Variants in AFAP1L2 observed in about 807,000 individuals in gnomAD.
AFAP1L2 encodes the protein actin filament-associated protein 1-like 2.
In AFAP1L2, 46 loss-of-function variants were observed where a neutral mutation model predicts 99.3. The ratio of observed to expected loss-of-function variants is 0.46; its 90% CI spans 0.37 to 0.59. The LOEUF (loss-of-function observed/expected upper bound fraction) is 0.59, where lower values mean the gene tolerates loss of function less well. Ranked by LOEUF, AFAP1L2 falls within the 20% of genes least tolerant of loss-of-function variation. The pLI, the probability that AFAP1L2 is intolerant of heterozygous loss-of-function variation, is 0.00. For missense variants in AFAP1L2, 959 were observed against 1,034.9 expected (o/e 0.93, Z 1.01); for synonymous variants, 397 against 419.1 (o/e 0.95, Z 0.64).
At position 114,404,440 on chromosome 10, in the gene AFAP1L2, C is replaced by G. The variant is rs1213572916; in HGVS notation, c.16G>C (p.Ala6Pro). 1.3e-6 allele frequency: 2 copies of G among 1,542,644 alleles called. No individual in the cohort carries two copies. The highest frequency in any genetic ancestry group is 1.7e-6 in the Non-Finnish European group (2 of 1,146,140). The change falls in exon 1 of 19, where the codon GCC (alanine) becomes CCC (proline). Residue 6 changes from alanine to proline, a missense_variant and splice_region_variant. This residue lies in a region of AFAP1L2 where 383 missense variants were observed against 472.8 expected (regional missense o/e 0.81). Coordinates refer to ENST00000304129, the MANE Select transcript of AFAP1L2 (RefSeq NM_001001936.3). MERYK[A>P]LEQLLTELDD... ...CCGCGCGAGGAACCCGCGCCCTCAC[C>G]TTTGTACCGCTCCATCGGGGCCACG...
At chr10:114,351,230 T>TC (rs2050424970) in intron 1 of AFAP1L2, among the ~76,000 whole-genome samples, 1 of 152,120 alleles carries the variant, frequency 6.6e-6, no homozygotes, top group Non-Finnish European at 1.5e-5. Context: ...CTTTATAGCC[T>TC]CCCCTGTTCC....
the AFAP1L2 span, among the ~76,000 whole-genome samples, chr10:114,282,974 C>T: frequency 6.6e-6 from 1 of 152,144 alleles, no homozygotes; most frequent in Non-Finnish European, 1.5e-5. Context: ...AGGGGGTCAT[C>T]GTATATGAGG....
At chr10:114,296,953 A>C (rs750682328) in intron 18 of AFAP1L2, 25 bp downstream of exon 18, 3 of 1,613,914 alleles carry the variant, frequency 1.9e-6, no homozygotes, top group Non-Finnish European at 2.5e-6. Flanking sequence ...GCTGGCCCCA[A>C]GGGAGGCTGG....
chr10:114,301,208 G>A (rs370524167), intron 13 of AFAP1L2, 146 bp downstream of exon 13: 32 of 649,156 alleles, frequency 4.9e-5, no homozygotes, highest in African/African-American at 3.4e-4. Flanking sequence ...GTTGCACTTA[G>A]GTGTCTGCAC....
At chr10:114,399,805 G>A (rs533566209) in intron 1 of AFAP1L2, among the ~76,000 whole-genome samples, 18 of 152,242 alleles carry the variant, frequency 1.2e-4, no homozygotes, top group African/African-American at 4.1e-4. Flanking sequence ...GACCTTTGCT[G>A]GGCTACCCAC....
intron 1 of AFAP1L2, among the ~76,000 whole-genome samples, chr10:114,367,988 G>A (rs939665801): frequency 9.2e-5 from 14 of 152,208 alleles, no homozygotes; most frequent in African/African-American, 3.1e-4. Flanking sequence ...GAGTCACCAG[G>A]AGCGGGATTC....
intron 1 of AFAP1L2, among the ~76,000 whole-genome samples, chr10:114,402,074 C>T (rs2058279811): frequency 6.6e-6 from 1 of 152,180 alleles, no homozygotes; most frequent in Non-Finnish European, 1.5e-5. Context: ...TTTTTCTTTA[C>T]AGTTTTTACT....
At chr10:114,355,457 G>C (rs948849259) in intron 1 of AFAP1L2, among the ~76,000 whole-genome samples, 1 of 151,862 alleles carries the variant, frequency 6.6e-6, no homozygotes, top group African/African-American at 2.4e-5. Flanking sequence ...ATGGTCCCCA[G>C]TACAGGGCCC....
At chr10:114,380,380 G>A (rs190966873) in intron 1 of AFAP1L2, among the ~76,000 whole-genome samples, 2 of 152,256 alleles carry the variant, frequency 1.3e-5, no homozygotes, top group East Asian at 3.9e-4. Flanking sequence ...ATTTAAACTA[G>A]GAATGAAAAA....
intron 1 of AFAP1L2, among the ~76,000 whole-genome samples, chr10:114,400,080 C>T (rs1007120228): frequency 2.0e-5 from 3 of 152,218 alleles, no homozygotes; most frequent in Non-Finnish European, 2.9e-5. Context: ...ATGTCTCAGC[C>T]AGGGCTCTGG....
intron 1 of AFAP1L2, among the ~76,000 whole-genome samples, chr10:114,352,479 TAA>T (rs766929781): frequency 5.6e-5 from 4 of 71,372 alleles, no homozygotes; most frequent in African/African-American, 2.2e-4. Flanking sequence ...GTCTCCAAAT[TAA>T]AAAAAAAAAA....
intron 4 of AFAP1L2, among the ~76,000 whole-genome samples, chr10:114,323,572 G>C (rs750132347): frequency 6.6e-6 from 1 of 152,182 alleles, no homozygotes; most frequent in Non-Finnish European, 1.5e-5. Flanking sequence ...GATATATCAT[G>C]CACTTAGCAG....
At chr10:114,302,650 C>T (rs528579153) in intron 11 of AFAP1L2, among the ~76,000 whole-genome samples, 166 bp from the exon 12 acceptor site, 4 of 152,184 alleles carry the variant, frequency 2.6e-5, no homozygotes, top group Non-Finnish European at 2.9e-5. Flanking sequence ...TCCCACCCCC[C>T]AGTGGCCCCA....
Position 114,300,119 on chromosome 10 carries a change from C to T in AFAP1L2, c.1957+75G>A, listed in dbSNP as rs1045173523. Reference sequence around the variant, plus strand: ...AACGCCCTTTCATATATACATCTATCCTATTAGTTCTGTCCCTCTAGAGAA... The same window carrying T: ...AACGCCCTTTCATATATACATCTATTCTATTAGTTCTGTCCCTCTAGAGAA... On this transcript the variant is annotated intron_variant, in intron 15 of 18. Coordinates refer to ENST00000304129, the MANE Select transcript of AFAP1L2 (RefSeq NM_001001936.3). 24 of 1,592,578 alleles carry T rather than the reference C, an allele frequency of 1.5e-5. No individual in the cohort carries two copies. In the East Asian group the frequency reaches 5.4e-4, roughly 36 times the overall value.
intron 5 of AFAP1L2, among the ~76,000 whole-genome samples, chr10:114,318,957 C>A (rs1298436155): frequency 6.6e-6 from 1 of 151,812 alleles, no homozygotes; most frequent in Non-Finnish European, 1.5e-5. Flanking sequence ...AGTTTCAAAC[C>A]AGTCTGGCCA....
At chr10:114,365,134 T>C (rs1486308687) in intron 1 of AFAP1L2, among the ~76,000 whole-genome samples, 1 of 152,208 alleles carries the variant, frequency 6.6e-6, no homozygotes, top group Non-Finnish European at 1.5e-5. Context: ...CTAACGTTCC[T>C]TAGCAGTCAA....
At chr10:114,331,712 C>G in intron 4 of AFAP1L2, 91 bp downstream of exon 4, 1 of 938,194 alleles carries the variant, frequency 1.1e-6, no homozygotes, top group African/African-American at 1.7e-5. Flanking sequence ...TCAGAAAATG[C>G]CAGACACTTA....
chr10:114,337,702 T>C (rs1326563312), intron 2 of AFAP1L2, among the ~76,000 whole-genome samples: 1 of 152,232 alleles, frequency 6.6e-6, no homozygotes, highest in Non-Finnish European at 1.5e-5. Flanking sequence ...AGACCACATG[T>C]AGGAGGCGCT....
the AFAP1L2 span, chr10:114,281,376 G>A: frequency 6.6e-6 from 1 of 152,454 alleles, no homozygotes; most frequent in South Asian, 2.1e-4. Flanking sequence ...GTAGAGTGGG[G>A]GGATTTGGAG....
Sources: gnomAD v4.1 joint callset for allele counts (sites outside exome capture counted in the v4.1 genomes callset) on GRCh38, gnomAD v4.1.1 for gene constraint, gnomAD v4.1.1 regional missense constraint, MANE v1.5 for transcripts, NCBI Gene and HGNC (gene_info 2026-07-23, HGNC 2026-07-21) for gene names.